Variants in HAUS6 observed in about 807,000 individuals in gnomAD.
HAUS6 encodes the protein HAUS augmin-like complex subunit 6.
A neutral mutation model predicts 106.8 loss-of-function variants in HAUS6; 80 were observed. That is an observed-to-expected ratio of 0.75 (90% CI 0.63 to 0.90). The LOEUF (loss-of-function observed/expected upper bound fraction) is 0.90, where lower values mean the gene tolerates loss of function less well. Ranked by LOEUF, HAUS6 falls within the 40% of genes least tolerant of loss-of-function variation. The pLI is 0.00. For synonymous variants in HAUS6, 356 were observed against 379.1 expected, an observed-to-expected ratio of 0.94 and a Z score of 0.71; for missense variants, 1,155 against 1,118.1, an observed-to-expected ratio of 1.03 and a Z score of -0.47.
Position 19,058,398 on chromosome 9 carries a change from T to C in HAUS6, c.2369A>G (p.Asn790Ser), listed in dbSNP as rs145639916. 1.8e-4 allele frequency: 292 copies of C among 1,613,768 alleles called. No individual in the cohort carries two copies. The highest frequency in any genetic ancestry group is 2.3e-4 in the Non-Finnish European group (273 of 1,179,832). The stretch of plus-strand genomic sequence containing the variant: ...ATTGGCCTCTGAACTACTGGAACTA[T>C]TAAAACTTAGATGACCAACTTCTTC... ...LPEEVGHLSF[N>S]SSSSSEANFK... Residue 790 changes from asparagine (N) to serine (S), a missense_variant, in exon 16 of 17, where the codon AAT (asparagine) becomes AGT (serine). By Grantham distance (46) the Asn-to-Ser change is conservative (BLOSUM62 1). Coordinates refer to ENST00000380502, the MANE Select transcript of HAUS6 (RefSeq NM_017645.5).
chr9:19,078,793 G>A (rs750463848), intron 9 of HAUS6, among the ~76,000 whole-genome samples: 1 of 147,344 alleles, frequency 6.8e-6, no homozygotes, highest in Non-Finnish European at 1.5e-5. Context: ...GTAAAACTCC[G>A]TCTCAAAAAT....
intron 2 of HAUS6, 140 bp downstream of exon 2, chr9:19,096,534 C>T (rs954848143): frequency 2.2e-5 from 12 of 533,944 alleles, no homozygotes; most frequent in African/African-American, 1.4e-4. Context: ...CACTGCACTC[C>T]AGCCTCGATG....
At chr9:19,088,531 A>G (rs760797247) in intron 5 of HAUS6, among the ~76,000 whole-genome samples, 7 of 152,140 alleles carry the variant, frequency 4.6e-5, no homozygotes, top group Non-Finnish European at 2.9e-5. Flanking sequence ...ACTTTAAAAT[A>G]TATTTCCATA....
Position 19,101,896 on chromosome 9 carries a change from G to A in HAUS6, c.128+628C>T, listed in dbSNP as rs577879715. Among the ~76,000 whole-genome samples the A allele has an allele frequency of 2.4e-3, 360 of 152,292 alleles. 1 individual carries two copies. The highest frequency in any genetic ancestry group is 8.3e-3 in the African/African-American group (345 of 41,566). ...GATCGTGCCACTGCACTCCAGCCTG[G>A]CAACAGAGGGAGACTCCATATGAAA... On this transcript the variant is annotated intron_variant, in intron 1 of 16. Transcript: ENST00000380502.
chr9:19,085,549 T>C lies in HAUS6; in HGVS notation c.699+1185A>G, dbSNP rs1837269731. ...GACAATGTGCCTTGGAAGCCAAATT[T>C]ATACCCACAGCAGCTTGGCATGGCA... On this transcript the variant is annotated intron_variant, in intron 7 of 16. Coordinates refer to ENST00000380502, the MANE Select transcript of HAUS6 (RefSeq NM_017645.5). Among the ~76,000 whole-genome samples the C allele has an allele frequency of 2.0e-5, 3 of 151,174 alleles. No homozygotes were observed. The Admixed American group carries it at 2.0e-4, about 10-fold the overall frequency.
At chr9:19,089,815 C>G in intron 4 of HAUS6, 1 of 444,964 alleles carries the variant, frequency 2.2e-6, no homozygotes, top group South Asian at 3.3e-5. Context: ...CATATAACAA[C>G]TAATGTTTTG....
chr9:19,075,299 T>C (rs1215818064), intron 11 of HAUS6, among the ~76,000 whole-genome samples: 1 of 152,216 alleles, frequency 6.6e-6, no homozygotes, highest in Non-Finnish European at 1.5e-5. Context: ...ATGAAAATGT[T>C]TACAATTGTG....
In HAUS6 at chr9:19,063,173, G is replaced by C; in HGVS notation, c.1464C>G (p.Pro488=). The C allele has an allele frequency of 6.2e-7, 1 of 1,601,286 alleles. No individual in the cohort carries two copies. The highest frequency in any genetic ancestry group is 8.5e-7 in the Non-Finnish European group (1 of 1,170,986). Reference sequence around the variant, plus strand: ...TAGAAATTGCTTCATTTTTTTCTTTGGGAGTTCCCATCTTTGTGTCCTGAA... The same window carrying C: ...TAGAAATTGCTTCATTTTTTTCTTTCGGAGTTCCCATCTTTGTGTCCTGAA... ...VLEKDTKMGT[P]KEKNEAISKK... The change falls in exon 14 of 17, where the codon CCC becomes CCG. Residue 488 remains proline (P), a synonymous_variant. Coordinates refer to ENST00000380502, the MANE Select transcript of HAUS6 (RefSeq NM_017645.5).
At chr9:19,084,771 T>C (rs1837248530) in intron 7 of HAUS6, among the ~76,000 whole-genome samples, 1 of 151,810 alleles carries the variant, frequency 6.6e-6, no homozygotes, top group Non-Finnish European at 1.5e-5. Flanking sequence ...TAGCTGGGAC[T>C]ACAGGTGAGT....
intron 16 of HAUS6, chr9:19,057,164 C>T (rs1035207516): frequency 1.3e-5 from 2 of 152,172 alleles, no homozygotes; most frequent in African/African-American, 4.8e-5. Flanking sequence ...AACCCCAGTA[C>T]CTCAGAATGT....
At chr9:19,102,485 G>A (rs1359072684) in intron 1 of HAUS6, 39 bp downstream of exon 1, 2 of 1,604,436 alleles carry the variant, frequency 1.2e-6, no homozygotes, top group Non-Finnish European at 1.7e-6. Flanking sequence ...GCGTCCCCCG[G>A]TTCAGGCTCC....
At chr9:19,079,100 G>A (rs1046578333) in intron 9 of HAUS6, among the ~76,000 whole-genome samples, 1 of 145,832 alleles carries the variant, frequency 6.9e-6, no homozygotes, top group Non-Finnish European at 1.5e-5. Context: ...GGAGGCAGAC[G>A]TTGCAGAAAG....
At chr9:19,070,148 A>AGTTCC (rs1836855832) in intron 12 of HAUS6, 71 bp downstream of exon 12, 6 of 867,862 alleles carry the variant, frequency 6.9e-6, no homozygotes, top group Admixed American at 6.5e-5. Flanking sequence ...TTCACCTCTC[A>AGTTCC]GTTCCATCTC....
In HAUS6 at chr9:19,075,545, A is replaced by C. The variant is rs529470335; in HGVS notation, c.1294+1057T>G. Among the ~76,000 whole-genome samples the C allele has an allele frequency of 6.4e-4, 97 of 152,276 alleles. No homozygotes were observed. In the Middle Eastern group the frequency reaches 0.014, roughly 21 times the overall value. On this transcript the variant is annotated intron_variant, in intron 11 of 16. Transcript: ENST00000380502. ...AATTGCTTGGAATCAGTTTGAGAAA[A>C]CATTGTGCAAAGTTAAAAACAGTGC...
chr9:19,078,324 T>G (rs1367432422), intron 9 of HAUS6, 22 bp from the exon 10 acceptor site: 1 of 1,316,006 alleles, frequency 7.6e-7, no homozygotes, highest in African/African-American at 1.5e-5. Context: ...TAAAAAAACT[T>G]TATTCAAAAG....
At chr9:19,092,291 T>TA (rs34337710) in intron 4 of HAUS6, among the ~76,000 whole-genome samples, 55,688 of 146,184 alleles carry the variant, frequency 0.38, 11,075 homozygotes, top group Non-Finnish European at 0.45. Context: ...ACCCTGGTAT[T>TA]AAAAAAAAAA....
intron 12 of HAUS6, among the ~76,000 whole-genome samples, chr9:19,064,792 G>C (rs1215913222): frequency 3.9e-5 from 6 of 152,138 alleles, no homozygotes; most frequent in African/African-American, 1.4e-4. Flanking sequence ...AATCACTCAA[G>C]CTTCAACGTA....
chr9:19,086,993 T>C (rs1284006680), intron 6 of HAUS6, 98 bp downstream of exon 6: 1 of 692,914 alleles, frequency 1.4e-6, no homozygotes, highest in African/African-American at 1.8e-5. Context: ...ATTGATATAT[T>C]ATTTTAATTA....
intron 8 of HAUS6, among the ~76,000 whole-genome samples, chr9:19,081,859 G>T (rs1428595784): frequency 6.6e-6 from 1 of 151,638 alleles, no homozygotes; most frequent in Non-Finnish European, 1.5e-5. Context: ...GAGGTCAGGA[G>T]CTCTAAGCCG....
Sources: allele counts gnomAD v4.1 joint callset (sites outside exome capture counted in the v4.1 genomes callset), GRCh38; gene constraint gnomAD v4.1.1; transcripts MANE v1.5; gene names NCBI Gene and HGNC (gene_info 2026-07-23, HGNC 2026-07-21).